SRCAP: variants seen among roughly 807,000 people sequenced by gnomAD.
SRCAP encodes chromatin remodeling protein SRCAP.
A neutral mutation model predicts 263.1 loss-of-function variants in SRCAP; 46 were observed. The observed-to-expected ratio is 0.17, with a 90% confidence interval of 0.14 to 0.22. The LOEUF is 0.22. SRCAP is among the 10% of genes least tolerant of loss of function. SRCAP has a pLI of 1.00. For synonymous variants in SRCAP, 1,813 were observed against 1,662.1 expected (o/e 1.09, Z -2.21); for missense variants, 3,695 against 4,181.9 (o/e 0.88, Z 3.21).
Position 30,738,579 on chromosome 16 carries a change from G to A in SRCAP, c.8539G>A (p.Ala2847Thr). 1.9e-6 allele frequency: 3 copies of A among 1,607,740 alleles called. No homozygotes were observed. The highest frequency in any genetic ancestry group is 1.7e-5 in the Admixed American group (1 of 58,870). Residue 2847 changes from alanine (A) to threonine (T), a missense_variant, in exon 34 of 34, where the codon GCA becomes ACA. Ala to Thr is a moderately conservative substitution (Grantham distance 58, BLOSUM62 0). This residue lies in a region of SRCAP where 1,207 missense variants were observed against 1,142.9 expected (regional missense o/e 1.06). Coordinates refer to ENST00000262518, the MANE Select transcript of SRCAP (RefSeq NM_006662.3). ...GGGSPENGDG[A>T]LLAITPPAVK... ...TGGCAGCCCCGAGAATGGAGACGGA[G>A]CACTGCTCGCCATCACCCCACCTGC...
In SRCAP at chr16:30,722,266, G is replaced by T. The variant is rs920664069; in HGVS notation, c.3686G>T (p.Gly1229Val). The T allele has an allele frequency of 6.2e-7, 1 of 1,613,842 alleles. No individual in the cohort carries two copies. The highest frequency in any genetic ancestry group is 1.3e-5 in the African/African-American group (1 of 74,892). Reference protein sequence around the residue: ...TGAQVRQLAVGQPRPLQRNVV... With the variant: ...TGAQVRQLAVVQPRPLQRNVV... ...GCCCAGGTGCGCCAGCTTGCTGTGG[G>T]GCAGCCCCGCCCGCTGCAAAGTAGG... The change falls in exon 22 of 34, where the codon GGG becomes GTG. Residue 1229 changes from glycine to valine, a missense_variant. Physicochemically the swap from Gly to Val is moderately radical, Grantham distance 109 (BLOSUM62 -3). Transcript: ENST00000262518.
intron 3 of SRCAP, among the ~76,000 whole-genome samples, chr16:30,703,253 C>T (rs1031379458): frequency 4.8e-4 from 72 of 151,412 alleles, no homozygotes; most frequent in Admixed American, 3.9e-3. Flanking sequence ...GGCGCGATCT[C>T]GGCTCACTGC....
Position 30,733,682 on chromosome 16 carries a change from C to T in SRCAP, c.6378C>T (p.Asn2126=), listed in dbSNP as rs772759265. 1 of 1,614,106 alleles carries T rather than the reference C, an allele frequency of 6.2e-7. No individual in the cohort carries two copies. Among genetic ancestry groups the T allele is most frequent in the African/African-American group, 1.3e-5 (1 of 75,006 alleles). The change falls in exon 29 of 34, where the codon AAC becomes AAT. Residue 2126 remains asparagine, a synonymous_variant. Transcript: ENST00000262518. The surrounding 1 kb of genome is among the most constrained non-coding windows in gnomAD (Gnocchi z 5.3). ...LSTRSGGVGV[N]LTGADTVVFY... ...CTCGGAGTGGGGGTGTGGGCGTGAA[C>T]CTGACAGGAGCAGACACTGTTGTTT...
chr16:30,730,797 A>G (rs2053107366), intron 27 of SRCAP, among the ~76,000 whole-genome samples: 1 of 147,860 alleles, frequency 6.8e-6, no homozygotes, highest in African/African-American at 2.5e-5. Context: ...CCTCCCGAGT[A>G]GCTGGGATTA....
chr16:30,710,897 G>A, intron 9 of SRCAP, 50 bp downstream of exon 9: 2 of 1,605,958 alleles, frequency 1.2e-6, no homozygotes, highest in Non-Finnish European at 1.7e-6. Flanking sequence ...TGAATGAATT[G>A]TCTGGACCTA....
Position 30,712,096 on chromosome 16 carries a change from C to T in SRCAP, c.1754C>T (p.Thr585Ile). 6.2e-7 allele frequency: 1 copy of T among 1,614,168 alleles called. No homozygotes were observed. Among genetic ancestry groups the T allele is most frequent in the African/African-American group, 1.3e-5 (1 of 75,034 alleles). The stretch of plus-strand genomic sequence containing the variant: ...ACTCTAGGTCCAAAGAAAGAAATTA[C>T]TGACATTGCTGCAGCAGCTGAAAGT... ...PTTLGPKKEI[T>I]DIAAAAESLQ... is the part of the protein sequence containing the mutation. The change falls in exon 12 of 34, where the codon ACT (threonine) becomes ATT (isoleucine). Residue 585 changes from threonine to isoleucine, a missense_variant. Physicochemically the swap from Thr to Ile is moderately conservative, Grantham distance 89. Transcript: ENST00000262518.
At position 30,729,450 on chromosome 16, in the gene SRCAP, G is replaced by A. The variant is rs769837716; in HGVS notation, c.6005G>A (p.Arg2002His). The change falls in exon 27 of 34, where the codon CGT (arginine) becomes CAT (histidine). Residue 2002 changes from arginine to histidine, a missense_variant. Arg to His is a conservative substitution (Grantham distance 29). Transcript: ENST00000262518. ...ACHPPPWLAP[R>H]QAAFQEQLAS... ...CACCCACCTCCTTGGCTGGCCCCAC[G>A]TCAGGCAGCCTTCCAGGAGCAATTG... The A allele has an allele frequency of 2.5e-5, 40 of 1,614,034 alleles. No homozygotes were observed. Among genetic ancestry groups the A allele is most frequent in the Middle Eastern group, 1.6e-4 (1 of 6,084 alleles).
Position 30,724,651 on chromosome 16 carries a change from A to G in SRCAP, c.5227A>G (p.Thr1743Ala), listed in dbSNP as rs1235566507. 6.2e-7 allele frequency: 1 copy of G among 1,613,534 alleles called. No homozygotes were observed. Among genetic ancestry groups the G allele is most frequent in the Non-Finnish European group, 8.5e-7 (1 of 1,179,858 alleles). The change falls in exon 25 of 34, where the codon ACT becomes GCT. Residue 1743 changes from threonine to alanine, a missense_variant. Physicochemically the swap from Thr to Ala is moderately conservative, Grantham distance 58 (BLOSUM62 0). This residue lies in a region of SRCAP where 1,347 missense variants were observed against 1,304.4 expected (regional missense o/e 1.03). Coordinates refer to ENST00000262518, the MANE Select transcript of SRCAP (RefSeq NM_006662.3). The stretch of plus-strand genomic sequence containing the variant: ...GGCACCAGGACCACCACTGGGTCCA[A>G]CTCAGACGCTGTCTCTGGCTCCAGC... ...SLAPGPPLGP[T>A]QTLSLAPAPP...
At chr16:30,726,901 C>G (rs1281772165) in intron 25 of SRCAP, among the ~76,000 whole-genome samples, 1 of 152,130 alleles carries the variant, frequency 6.6e-6, no homozygotes, top group Non-Finnish European at 1.5e-5. Flanking sequence ...GGGGTTTCAC[C>G]ATGTTGGCCG....
chr16:30,709,758 T>G, intron 7 of SRCAP, 23 bp downstream of exon 7: 2 of 1,614,116 alleles, frequency 1.2e-6, no homozygotes, highest in Non-Finnish European at 1.7e-6. Context: ...TTTGGTCCTG[T>G]TACTCTTCCT....
chr16:30,716,582 C>T (rs907954803), intron 18 of SRCAP, 103 bp downstream of exon 18: 3 of 998,464 alleles, frequency 3.0e-6, no homozygotes, highest in Non-Finnish European at 4.5e-6. Flanking sequence ...ATCCTCATGA[C>T]TCCCCTATCA....
Position 30,702,194 on chromosome 16 carries a change from C to T in SRCAP, c.54+1316C>T, listed in dbSNP as rs2052774266. On this transcript the variant is annotated intron_variant, in intron 3 of 33. Transcript: ENST00000262518. ...GTCTTCATCTTTGACCTCGTGATCC[C>T]CGCCTTACTCAGCCTCTCAAAAGTG... 2.0e-5 allele frequency among the ~76,000 whole-genome samples: 3 copies of T among 150,506 alleles called. No individual in the cohort carries two copies. In the South Asian group the frequency reaches 6.3e-4, roughly 32 times the overall value.
chr16:30,712,958 C>G lies in SRCAP; in HGVS notation c.2130+143C>G, dbSNP rs141211801. The G allele has an allele frequency of 3.4e-6, 4 of 1,160,866 alleles. No homozygotes were observed. The East Asian group carries it at 1.0e-4, about 30-fold the overall frequency. The allele number at this position is 1,160,866 out of a possible 1,614,324, so 71.9% of individuals were successfully genotyped here. A position where few individuals can be genotyped will look rare whatever the true frequency, so the allele number is the denominator to read the frequency against. The stretch of plus-strand genomic sequence containing the variant: ...TTGTAAAAATAAAGATGGGGTCTCA[C>G]TATGTTACCCAAGCTGACCTTGAAC... On this transcript the variant is annotated intron_variant, in intron 14 of 33. Transcript: ENST00000262518.
chr16:30,701,616 G>A (rs897110206), intron 3 of SRCAP, among the ~76,000 whole-genome samples: 1 of 149,178 alleles, frequency 6.7e-6, no homozygotes, highest in Non-Finnish European at 1.5e-5. Context: ...GTAGGACTTT[G>A]TTTTCCATTT....
At position 30,729,222 on chromosome 16, in the gene SRCAP, T is replaced by G; in HGVS notation, c.5915T>G (p.Ile1972Ser). Residue 1972 changes from isoleucine (I) to serine (S), a missense_variant, in exon 26 of 34, where the codon ATC becomes AGC. Around this residue, in one of 12 missense-constraint regions of SRCAP, gnomAD observed 1,347 missense variants for 1,304.4 expected, o/e 1.03. Coordinates refer to ENST00000262518, the MANE Select transcript of SRCAP (RefSeq NM_006662.3). ...CAGCGACTAGACCAGCTGTCAGAAA[T>G]CATTGAGAGGTTGGCAGGGCTAAGT... ...PQQRLDQLSE[I>S]IERFIFVMPP... 1 of 1,606,648 alleles carries G rather than the reference T, an allele frequency of 6.2e-7. No individual in the cohort carries two copies. The highest frequency in any genetic ancestry group is 1.1e-5 in the South Asian group (1 of 90,738).
intron 1 of SRCAP, 100 bp from the exon 2 acceptor site, chr16:30,699,808 A>G (rs1176614181): frequency 6.6e-6 from 1 of 152,204 alleles, no homozygotes; most frequent in Non-Finnish European, 1.5e-5. Flanking sequence ...AGATTTTCCT[A>G]CTACTGTAGT....
chr16:30,716,988 C>T (rs1412089826), intron 18 of SRCAP, among the ~76,000 whole-genome samples: 1 of 152,242 alleles, frequency 6.6e-6, no homozygotes, highest in African/African-American at 2.4e-5. Context: ...ATTGCTGTAA[C>T]ATGGTAATTC....
chr16:30,709,230 C>T (rs2052860970), intron 6 of SRCAP, among the ~76,000 whole-genome samples: 1 of 151,370 alleles, frequency 6.6e-6, no homozygotes, highest in African/African-American at 2.4e-5. Flanking sequence ...AGGAGTTTGA[C>T]ACTAGTCTGG....
At chr16:30,725,676 G>GT (rs2053057420) in intron 25 of SRCAP, 1 of 152,712 alleles carries the variant, frequency 6.5e-6, no homozygotes, top group Non-Finnish European at 1.5e-5. Flanking sequence ...AGAGAGTAGA[G>GT]GGATTGCTCT....
Sources: gnomAD v4.1 joint callset for allele counts (sites outside exome capture counted in the v4.1 genomes callset) on GRCh38, gnomAD v4.1.1 for gene constraint, gnomAD v4.1.1 regional missense constraint, Gnocchi (gnomAD v3.1) non-coding constraint, MANE v1.5 for transcripts, NCBI Gene and HGNC (gene_info 2026-07-23, HGNC 2026-07-21) for gene names.